Variants in ROS1 observed in about 807,000 individuals in gnomAD.
The protein encoded by ROS1 is proto-oncogene tyrosine-protein kinase ROS.
A neutral mutation model predicts 273.5 loss-of-function variants in ROS1; 263 were observed. The observed-to-expected ratio is 0.96, with a 90% CI of 0.87 to 1.06. The LOEUF (loss-of-function observed/expected upper bound fraction) is 1.06. ROS1 is among the 50% of genes least tolerant of loss of function. The pLI, the probability that ROS1 is intolerant of heterozygous loss-of-function variation, is 0.00. For synonymous variants in ROS1, 1,008 were observed against 954.1 expected, an observed-to-expected ratio of 1.06 and a Z score of -1.04; for missense variants, 2,833 against 2,751.1, an observed-to-expected ratio of 1.03 and a Z score of -0.67.
chr6:117,394,699 G>T lies in ROS1; in HGVS notation c.923C>A (p.Thr308Asn). 1.9e-6 allele frequency: 3 copies of T among 1,611,724 alleles called. No individual in the cohort carries two copies. The South Asian group carries it at 3.3e-5, about 18-fold the overall frequency. Residue 308 changes from threonine (T) to asparagine (N), a missense_variant, in exon 10 of 44, where the codon ACT (threonine) becomes AAT (asparagine). By Grantham distance (65) the Thr-to-Asn change is moderately conservative. Transcript: ENST00000368507. ...EEQWLFLSRK[T>N]SLRKRSLKHL... ...TTTTAAAGATCTCTTTCTTAGAGAA[G>T]TTTTTCTGGATAAAAAGAGCCACTG...
chr6:117,404,424 A>C lies in ROS1; in HGVS notation c.321T>G (p.Asn107Lys), dbSNP rs771802350. Residue 107 changes from asparagine (N) to lysine (K), a missense_variant, in exon 6 of 44, where the codon AAT becomes AAG. Asn to Lys is a moderately conservative substitution (Grantham distance 94, BLOSUM62 0). Coordinates refer to ENST00000368507, the MANE Select transcript of ROS1 (RefSeq NM_001378902.1). ...CAAAGGGAGCAGTTGGTAGGTCTGCATTTTCTGGGGAAAAAACAAGATTTC... is the reference window on the plus strand; with the variant it reads ...CAAAGGGAGCAGTTGGTAGGTCTGCCTTTTCTGGGGAAAAAACAAGATTTC... The part of the protein sequence containing the change: ...EGAYEEEVLE[N>K]ADLPTAPFAS... 8 of 1,612,102 alleles carry C rather than the reference A, an allele frequency of 5.0e-6. No individual in the cohort carries two copies. The highest frequency in any genetic ancestry group is 6.8e-6 in the Non-Finnish European group (8 of 1,179,192).
chr6:117,409,684 A>G (rs370385605), intron 4 of ROS1, 42 bp from the exon 5 acceptor site: 1 of 1,531,218 alleles, frequency 6.5e-7, no homozygotes, highest in South Asian at 1.1e-5. Flanking sequence ...CAGCCTTGAT[A>G]CTGGTTTTGC....
intron 4 of ROS1, among the ~76,000 whole-genome samples, chr6:117,410,508 CA>C (rs1774816344): frequency 6.6e-6 from 1 of 152,102 alleles, no homozygotes; most frequent in Non-Finnish European, 1.5e-5. Context: ...ATGAAAAACA[CA>C]GTACATAATT....
chr6:117,388,790 A>G (rs1772807504), intron 13 of ROS1, among the ~76,000 whole-genome samples: 1 of 152,232 alleles, frequency 6.6e-6, no homozygotes, highest in Admixed American at 6.5e-5. Flanking sequence ...TTATCTGTAC[A>G]ACAGTTCCAT....
intron 37 of ROS1, among the ~76,000 whole-genome samples, chr6:117,319,173 CA>C (rs1300282797): frequency 6.6e-6 from 1 of 151,878 alleles, no homozygotes; most frequent in African/African-American, 2.4e-5. Context: ...AAAGTTTTTG[CA>C]AAAATATGAG....
intron 39 of ROS1, among the ~76,000 whole-genome samples, chr6:117,315,969 A>G (rs1378010105): frequency 6.6e-6 from 1 of 152,216 alleles, no homozygotes; most frequent in East Asian, 1.9e-4. Context: ...AGAGATATTT[A>G]TTAAACTAGC....
chr6:117,402,792 G>T (rs1370575012), intron 7 of ROS1, among the ~76,000 whole-genome samples: 2 of 151,206 alleles, frequency 1.3e-5, no homozygotes, highest in Non-Finnish European at 2.9e-5. Context: ...GAAGGCTGAG[G>T]CAGGGGAATC....
intron 27 of ROS1, among the ~76,000 whole-genome samples, chr6:117,348,753 C>T (rs1461829781): frequency 6.6e-6 from 1 of 151,888 alleles, no homozygotes; most frequent in Non-Finnish European, 1.5e-5. Context: ...CCTCTAAGCA[C>T]TGATTTTACT....
At position 117,425,533 on chromosome 6, in the gene ROS1, C is replaced by A. The variant is rs548868586; in HGVS notation, c.123+1G>T. 2.5e-6 allele frequency: 4 copies of A among 1,589,134 alleles called. No homozygotes were observed. In the South Asian group the frequency reaches 4.7e-5, roughly 19 times the overall value. On this transcript the variant is annotated splice_donor_variant, in intron 1 of 43. Transcript: ENST00000368507. LOFTEE classifies it high-confidence loss of function. ...GACAAATATTAGATTGTGAGACTTA[C>A]CAGATTAGTTACACACGACTTTAGG...
rs953568858 is a variant in ROS1, at chr6:117,341,066, T to C, written c.5061+69A>G. The C allele has an allele frequency of 8.3e-6, 8 of 959,402 alleles. No individual in the cohort carries two copies. In the African/African-American group the frequency reaches 1.2e-4, roughly 14 times the overall value. The allele number at this position is 959,402 out of a possible 1,614,324, so 59.4% of individuals were successfully genotyped here. On this transcript the variant is annotated intron_variant, in intron 31 of 43. Coordinates refer to ENST00000368507, the MANE Select transcript of ROS1 (RefSeq NM_001378902.1). ...TGTTTATTTATACATGAGCATGTTC[T>C]AGATGCATGAAAAAGCCCTTTCCAA...
At chr6:117,321,143 C>G in intron 36 of ROS1, 116 bp downstream of exon 36, 2 of 1,065,060 alleles carry the variant, frequency 1.9e-6, no homozygotes, top group Non-Finnish European at 2.6e-6. Context: ...ATAATTATGC[C>G]AGAAAAACTG....
At chr6:117,339,345 T>G (rs1777734902) in intron 31 of ROS1, among the ~76,000 whole-genome samples, 1 of 152,176 alleles carries the variant, frequency 6.6e-6, no homozygotes, top group African/African-American at 2.4e-5. Context: ...CATCTTGTGC[T>G]CTAGTTCCCT....
chr6:117,310,093 T>C lies in ROS1; in HGVS notation c.6404A>G (p.Gln2135Arg). ...CCGTTAAACTTACCATACATCAGATTGAGTAGTGAAGATTCCATCCATCAA... is the reference window on the plus strand; with the variant it reads ...CCGTTAAACTTACCATACATCAGATCGAGTAGTGAAGATTCCATCCATCAA... ...ESLMDGIFTT[Q>R]SDVWSFGILI... The change falls in exon 41 of 44, where the codon CAA becomes CGA. Residue 2135 changes from glutamine (Q) to arginine (R), a missense_variant. Transcript: ENST00000368507. 2.5e-6 allele frequency: 4 copies of C among 1,613,058 alleles called. No homozygotes were observed. In the African/African-American group the frequency reaches 5.3e-5, roughly 22 times the overall value.
intron 27 of ROS1, among the ~76,000 whole-genome samples, chr6:117,346,692 T>C (rs1778407957): frequency 6.6e-6 from 1 of 152,160 alleles, no homozygotes; most frequent in African/African-American, 2.4e-5. Flanking sequence ...TCCCCCATTA[T>C]CAATACCCCT....
At chr6:117,367,319 A>C (rs1455235260) in intron 18 of ROS1, among the ~76,000 whole-genome samples, 1 of 152,240 alleles carries the variant, frequency 6.6e-6, no homozygotes, top group Non-Finnish European at 1.5e-5. Context: ...CCCAAAGAGC[A>C]AGAATTTCCA....
At chr6:117,334,902 A>G (rs1777354609) in intron 32 of ROS1, among the ~76,000 whole-genome samples, 1 of 152,226 alleles carries the variant, frequency 6.6e-6, no homozygotes, top group East Asian at 1.9e-4. Context: ...AAGAAAACCT[A>G]GGCAATACCA....
At chr6:117,309,970 C>T in intron 41 of ROS1, 111 bp downstream of exon 41, 1 of 952,802 alleles carries the variant, frequency 1.0e-6, no homozygotes, top group South Asian at 1.5e-5. Context: ...CACTTAATCT[C>T]TCTGGTCTTC....
At chr6:117,370,212 C>A (rs1041293236) in intron 18 of ROS1, among the ~76,000 whole-genome samples, 12 of 152,160 alleles carry the variant, frequency 7.9e-5, no homozygotes, top group Admixed American at 2.6e-4. Context: ...AGTTATTGAA[C>A]TTTAGGAGAC....
intron 4 of ROS1, among the ~76,000 whole-genome samples, chr6:117,412,810 G>T (rs3777980): frequency 0.21 from 31,603 of 152,078 alleles, 3,820 homozygotes; most frequent in African/African-American, 0.31. Context: ...CAAAGAATTA[G>T]CACATTACAG....
Sources: allele counts gnomAD v4.1 joint callset (sites outside exome capture counted in the v4.1 genomes callset), GRCh38; gene constraint gnomAD v4.1.1; transcripts MANE v1.5; gene names NCBI Gene and HGNC (gene_info 2026-07-23, HGNC 2026-07-21).